SLC1A7: variants seen among roughly 807,000 people sequenced by gnomAD.
The protein encoded by SLC1A7 is solute carrier family 1 member 7.
A neutral mutation model predicts 47.7 loss-of-function variants in SLC1A7; 40 were observed. The observed-to-expected ratio is 0.84, with a 90% CI of 0.65 to 1.09. The LOEUF is 1.09. SLC1A7 is among the 50% of genes least tolerant of loss of function. The probability of loss-of-function intolerance (pLI) is 0.00; values close to 1 mark genes in which losing one functional copy is unlikely to be tolerated. For missense variants in SLC1A7, 746 were observed against 769.5 expected, an observed-to-expected ratio of 0.97 and a Z score of 0.36; for synonymous variants, 323 against 325.6, an observed-to-expected ratio of 0.99 and a Z score of 0.09.
intron 2 of SLC1A7, among the ~76,000 whole-genome samples, chr1:53,124,267 C>A (rs1012543507): frequency 3.8e-4 from 56 of 146,202 alleles, no homozygotes; most frequent in South Asian, 1.1e-3. Flanking sequence ...CACACACACA[C>A]ACACACACAC....
chr1:53,108,492 A>G (rs1431057822), intron 3 of SLC1A7: 3 of 699,236 alleles, frequency 4.3e-6, no homozygotes, highest in Non-Finnish European at 5.3e-6. Context: ...GGGACCTGCC[A>G]TCAAGCTCTG....
chr1:53,110,211 T>G (rs923813172), intron 3 of SLC1A7, among the ~76,000 whole-genome samples: 1 of 152,008 alleles, frequency 6.6e-6, no homozygotes, highest in Non-Finnish European at 1.5e-5. Context: ...ATCTTGAAAA[T>G]CACTGGGGAA....
intron 2 of SLC1A7, among the ~76,000 whole-genome samples, chr1:53,128,210 C>T (rs893159874): frequency 6.6e-6 from 1 of 152,130 alleles, no homozygotes; most frequent in South Asian, 2.1e-4. Flanking sequence ...TGCGGTGACT[C>T]ACACCTGTAA....
chr1:53,101,616 C>A, intron 5 of SLC1A7, among the ~76,000 whole-genome samples: 1 of 151,404 alleles, frequency 6.6e-6, no homozygotes, highest in East Asian at 1.9e-4. Context: ...CTCACACACC[C>A]CACCTCAGTA....
intron 1 of SLC1A7, among the ~76,000 whole-genome samples, chr1:53,136,932 G>T (rs1323439610): frequency 6.6e-6 from 1 of 151,854 alleles, no homozygotes; most frequent in Non-Finnish European, 1.5e-5. Flanking sequence ...CTCCCAAAGT[G>T]CTGGGATTAT....
At position 53,114,930 on chromosome 1, in the gene SLC1A7, G is replaced by T; in HGVS notation, c.259C>A (p.Arg87Ser). ...LASLDAKTSS[R>S]LGVLTVAYYL... ...TACGCCACGGTGAGGACGCCCAGGC[G>T]GCTAGAGGTCTTGGCATCCAGGGAG... Residue 87 changes from arginine (R) to serine (S), a missense_variant, in exon 3 of 11, where the codon CGC becomes AGC. Transcript: ENST00000371494. The T allele has an allele frequency of 1.9e-6, 3 of 1,614,134 alleles. No homozygotes were observed. The highest frequency in any genetic ancestry group is 2.5e-6 in the Non-Finnish European group (3 of 1,180,038).
intron 2 of SLC1A7, among the ~76,000 whole-genome samples, chr1:53,130,141 T>C (rs891433284): frequency 4.6e-5 from 7 of 152,200 alleles, no homozygotes; most frequent in East Asian, 1.9e-4. Flanking sequence ...AGCGTCAGCA[T>C]TGGAGACAGA....
chr1:53,103,402 G>C lies in SLC1A7; in HGVS notation c.641C>G (p.Pro214Arg). The change falls in exon 5 of 11, where the codon CCG (proline) becomes CGG (arginine). Residue 214 changes from proline to arginine, a missense_variant. Coordinates refer to ENST00000371494, the MANE Select transcript of SLC1A7 (RefSeq NM_006671.6). ...PPPEVVYKSE[P>R]GTSDGMNVLG... ...CACATTCATGCCATCGCTGGTGCCCGGCTCTGACTTGTAAACGACCTCGGG... is the reference window on the plus strand; with the variant it reads ...CACATTCATGCCATCGCTGGTGCCCCGCTCTGACTTGTAAACGACCTCGGG... 1.2e-6 allele frequency: 2 copies of C among 1,611,160 alleles called. 1 individual carries two copies. Among genetic ancestry groups the C allele is most frequent in the Non-Finnish European group, 1.7e-6 (2 of 1,179,162 alleles).
Position 53,114,755 on chromosome 1 carries a change from T to A in SLC1A7, c.431+3A>T. On this transcript the variant is annotated splice_donor_region_variant and intron_variant, in intron 3 of 10. Transcript: ENST00000371494. ...CAAGCGGGGTGTGGGTGGCAATAGT[T>A]ACCGGATGAGGTCCAACAGGGCATC... 1 of 1,613,152 alleles carries A rather than the reference T, an allele frequency of 6.2e-7. No individual in the cohort carries two copies. The highest frequency in any genetic ancestry group is 1.3e-5 in the African/African-American group (1 of 75,024).
rs3214949 is a variant in SLC1A7, at chr1:53,087,966, CCCTGCCCCTGGAGGCCTCG to C, written c.*24_*42del. 0.072 allele frequency: 93,652 copies of C among 1,296,704 alleles called. 5,060 individuals are homozygous for C. The highest frequency in any genetic ancestry group is 0.27 in the Admixed American group (11,595 of 43,270). 80.3% of individuals were successfully genotyped at this position (1,296,704 alleles called of 1,614,324 possible). A position where few individuals can be genotyped will look rare whatever the true frequency, so the allele number is the denominator to read the frequency against. On this transcript the variant is annotated 3_prime_UTR_variant, in exon 11 of 11. Transcript: ENST00000371494. The stretch of plus-strand genomic sequence containing the variant: ...GGAGAGTCGAGTTCCTGCCTCAGGA[CCCTGCCCCTGGAGGCCTCG>C]CCTGCCCCTGCAGCTCCGCAGGCTC...
At position 53,087,231 on chromosome 1, in the gene SLC1A7, G is replaced by C. The variant is rs1644370160; in HGVS notation, c.*778C>G. The C allele has an allele frequency of 6.6e-6, 1 of 152,268 alleles. No individual in the cohort carries two copies. Among genetic ancestry groups the C allele is most frequent in the South Asian group, 2.1e-4 (1 of 4,834 alleles). 9.4% of individuals were successfully genotyped at this position (152,268 alleles called of 1,614,324 possible). ...AGTTAACACTGAATTTGCAAACACA[G>C]AAAGGAATAGAAAACCTGACTCCAC... On this transcript the variant is annotated 3_prime_UTR_variant, in exon 11 of 11. Coordinates refer to ENST00000371494, the MANE Select transcript of SLC1A7 (RefSeq NM_006671.6).
At chr1:53,102,177 C>G (rs1053684163) in intron 5 of SLC1A7, 1 of 152,326 alleles carries the variant, frequency 6.6e-6, no homozygotes, top group Non-Finnish European at 1.5e-5. Context: ...CACCGAGGCC[C>G]CGGCCCCTCT....
intron 5 of SLC1A7, among the ~76,000 whole-genome samples, chr1:53,096,913 C>A (rs535771230): frequency 8.1e-4 from 118 of 145,922 alleles, no homozygotes; most frequent in African/African-American, 2.8e-3. Context: ...TCACACACAC[C>A]CCCTCAGTAC....
chr1:53,119,656 A>C (rs1348133893), intron 2 of SLC1A7, among the ~76,000 whole-genome samples: 1 of 152,136 alleles, frequency 6.6e-6, no homozygotes, highest in Non-Finnish European at 1.5e-5. Context: ...CCAGCTGACT[A>C]TGATTTTAAT....
At chr1:53,140,418 T>G (rs1255218230) in intron 1 of SLC1A7, among the ~76,000 whole-genome samples, 1 of 152,232 alleles carries the variant, frequency 6.6e-6, no homozygotes, top group Non-Finnish European at 1.5e-5. Context: ...CAGCAGATAG[T>G]TGAGCGTTCT....
chr1:53,101,584 TCACA>T (rs1644581503), intron 5 of SLC1A7, among the ~76,000 whole-genome samples: 1 of 126,420 alleles, frequency 7.9e-6, no homozygotes, highest in Non-Finnish European at 1.7e-5. Flanking sequence ...CTCGGTACAC[TCACA>T]CAACCCGCCT....
chr1:53,130,903 G>A (rs1487385097), intron 2 of SLC1A7, among the ~76,000 whole-genome samples: 1 of 152,166 alleles, frequency 6.6e-6, no homozygotes, highest in Non-Finnish European at 1.5e-5. Flanking sequence ...CTCCTGGCCA[G>A]GATGGATAAT....
At chr1:53,088,559 C>T (rs1644384907) in intron 10 of SLC1A7, among the ~76,000 whole-genome samples, 1 of 152,130 alleles carries the variant, frequency 6.6e-6, no homozygotes, top group Admixed American at 6.5e-5. Flanking sequence ...GCCTGAAGCC[C>T]ACACAGCCTG....
At chr1:53,106,992 T>TA (rs1229032856) in intron 3 of SLC1A7, among the ~76,000 whole-genome samples, 5 of 151,416 alleles carry the variant, frequency 3.3e-5, no homozygotes, top group Non-Finnish European at 7.4e-5. Context: ...CCGTCTCTAC[T>TA]AAAAAATACA....
Sources: gnomAD v4.1 joint callset for allele counts (sites outside exome capture counted in the v4.1 genomes callset) on GRCh38, gnomAD v4.1.1 for gene constraint, MANE v1.5 for transcripts, NCBI Gene and HGNC (gene_info 2026-07-23, HGNC 2026-07-21) for gene names.